ZNF236: variants seen among roughly 807,000 people sequenced by gnomAD.
The protein encoded by ZNF236 is regulated by glucose.
ZNF236 carries 50 observed loss-of-function variants against 191.2 expected under a neutral mutation model. The ratio of observed to expected loss-of-function variants is 0.26; its 90% CI spans 0.21 to 0.33. The LOEUF (loss-of-function observed/expected upper bound fraction) is 0.33. Ranked by LOEUF, ZNF236 falls within the 10% of genes least tolerant of loss-of-function variation. The pLI is 1.00. For missense variants in ZNF236, 1,754 were observed against 2,374.5 expected, an observed-to-expected ratio of 0.74 and a Z score of 5.43; for synonymous variants, 907 against 928.8, an observed-to-expected ratio of 0.98 and a Z score of 0.43.
intron 27 of ZNF236, among the ~76,000 whole-genome samples, chr18:76,955,728 C>G (rs1027055445): frequency 6.6e-6 from 1 of 152,134 alleles, no homozygotes; most frequent in Non-Finnish European, 1.5e-5. Flanking sequence ...GGAATTTGCA[C>G]CTGGTCAGTG....
intron 19 of ZNF236, among the ~76,000 whole-genome samples, chr18:76,916,676 G>C (rs745627524): frequency 6.6e-6 from 1 of 152,246 alleles, no homozygotes; most frequent in Non-Finnish European, 1.5e-5. Flanking sequence ...CCAGCACACA[G>C]ATTGCAGTTT....
chr18:76,950,784 C>T (rs950794181), intron 27 of ZNF236, among the ~76,000 whole-genome samples: 9 of 152,182 alleles, frequency 5.9e-5, no homozygotes, highest in African/African-American at 2.2e-4. Flanking sequence ...TTTACTTTGC[C>T]CAGATCCATC....
chr18:76,895,342 C>T, intron 10 of ZNF236, 57 bp downstream of exon 10: 1 of 1,583,704 alleles, frequency 6.3e-7, no homozygotes, highest in East Asian at 2.2e-5. Flanking sequence ...ACACACATTA[C>T]TGCGCACATA....
Position 76,927,991 on chromosome 18 carries a change from C to T in ZNF236, c.4479C>T (p.His1493=), listed in dbSNP as rs763367075. 10 of 1,613,712 alleles carry T rather than the reference C, an allele frequency of 6.2e-6. No homozygotes were observed. The highest frequency in any genetic ancestry group is 1.7e-5 in the Admixed American group (1 of 59,930). ...QGLVSPSGGP[H]EITLTINNSS... ...TAGTGTCCCCCTCCGGCGGTCCCCA[C>T]GAGATCACCCTGACCATTAACAACT... The change falls in exon 25 of 31, where the codon CAC becomes CAT. Residue 1493 remains histidine (H), a synonymous_variant. Coordinates refer to ENST00000320610, the MANE Select transcript of ZNF236 (RefSeq NM_001306089.2). The surrounding 1 kb of genome is among the most constrained non-coding windows in gnomAD (Gnocchi z 5.4).
intron 30 of ZNF236, among the ~76,000 whole-genome samples, chr18:76,965,211 G>A (rs1599432414): frequency 6.6e-6 from 1 of 152,098 alleles, no homozygotes; most frequent in African/African-American, 2.4e-5. Flanking sequence ...ATTTCTATAA[G>A]TATGTCTATT....
intron 27 of ZNF236, among the ~76,000 whole-genome samples, chr18:76,950,373 C>G (rs1968374488): frequency 6.6e-6 from 1 of 152,210 alleles, no homozygotes; most frequent in Non-Finnish European, 1.5e-5. Context: ...GGAGTAGATT[C>G]CGTCTCAAGT....
chr18:76,861,899 T>C (rs1976242601), intron 3 of ZNF236, among the ~76,000 whole-genome samples: 1 of 152,174 alleles, frequency 6.6e-6, no homozygotes, highest in African/African-American at 2.4e-5. Context: ...AGTTTCGCTC[T>C]TGTCGCCCGG....
At chr18:76,907,384 C>T (rs151000362) in intron 13 of ZNF236, among the ~76,000 whole-genome samples, 9 of 152,206 alleles carry the variant, frequency 5.9e-5, no homozygotes, top group South Asian at 2.1e-4. Context: ...GACGGAGTCT[C>T]GCTCTGTTGC....
At chr18:76,905,941 A>T (rs560604229) in intron 13 of ZNF236, among the ~76,000 whole-genome samples, 5 of 152,298 alleles carry the variant, frequency 3.3e-5, no homozygotes, top group African/African-American at 1.2e-4. Flanking sequence ...TCCGGAAGAG[A>T]TGCATTTCTG....
intron 26 of ZNF236, among the ~76,000 whole-genome samples, chr18:76,944,355 A>G (rs1179755945): frequency 1.3e-5 from 2 of 152,264 alleles, no homozygotes; most frequent in African/African-American, 4.8e-5. Context: ...CCAACTGCAA[A>G]TAATAATACA....
At chr18:76,850,211 A>T (rs1165253799) in intron 2 of ZNF236, among the ~76,000 whole-genome samples, 3 of 152,174 alleles carry the variant, frequency 2.0e-5, no homozygotes, top group Non-Finnish European at 4.4e-5. Flanking sequence ...GACAGTTAAA[A>T]CTATAATTAA....
intron 25 of ZNF236, chr18:76,936,088 C>T (rs1031432892): frequency 6.6e-6 from 3 of 456,740 alleles, no homozygotes; most frequent in Non-Finnish European, 1.3e-5. Flanking sequence ...TCCTGTTGGC[C>T]CCTGACTCCT....
At chr18:76,834,978 G>GTTT (rs35789549) in intron 1 of ZNF236, 1,474 of 145,588 alleles carry the variant, frequency 0.01, 19 homozygotes, top group African/African-American at 0.034. Flanking sequence ...TTTATTTTCT[G>GTTT]TTTTTTTTTT....
In ZNF236 at chr18:76,947,565, C is replaced by T. The variant is rs1470144976; in HGVS notation, c.4827C>T (p.Gly1609=). 1 of 1,613,954 alleles carries T rather than the reference C, an allele frequency of 6.2e-7. No homozygotes were observed. The highest frequency in any genetic ancestry group is 1.3e-5 in the African/African-American group (1 of 74,902). ...TCCTCACGGATCCCTCTCTCTCGGGCCAGGGTGGAGCAGGCTCGCCGCAAG... is the reference window on the plus strand; with the variant it reads ...TCCTCACGGATCCCTCTCTCTCGGGTCAGGGTGGAGCAGGCTCGCCGCAAG... ...PALLTDPSLS[G]QGGAGSPQVI... The change falls in exon 27 of 31, where the codon GGC becomes GGT. Residue 1609 remains glycine, a synonymous_variant. Transcript: ENST00000320610.
chr18:76,911,268 T>G (rs1236257963), intron 16 of ZNF236, among the ~76,000 whole-genome samples: 2 of 151,448 alleles, frequency 1.3e-5, no homozygotes, highest in Non-Finnish European at 2.9e-5. Context: ...TGGTTTTGGT[T>G]TTCATTTTCC....
chr18:76,832,588 T>G (rs1188117398), intron 1 of ZNF236, among the ~76,000 whole-genome samples: 1 of 152,108 alleles, frequency 6.6e-6, no homozygotes, highest in African/African-American at 2.4e-5. Flanking sequence ...TTTTTTGTTG[T>G]TGTTCCTGGC....
rs1366219568 is a variant in ZNF236, at chr18:76,880,985, T to C, written c.1189-299T>C. On this transcript the variant is annotated intron_variant, in intron 8 of 30. Coordinates refer to ENST00000320610, the MANE Select transcript of ZNF236 (RefSeq NM_001306089.2). This position sits in a 1 kb window ranked among gnomAD's most constrained non-coding sequence, Gnocchi z 5.0. Reference sequence around the variant, plus strand: ...TAAAATAGGGATTCCCAAGACTATTTAGAGACAACCAAAGTTGTGTGAGGT... The same window carrying C: ...TAAAATAGGGATTCCCAAGACTATTCAGAGACAACCAAAGTTGTGTGAGGT... Among the ~76,000 whole-genome samples the C allele has an allele frequency of 6.6e-6, 1 of 152,206 alleles. No homozygotes were observed. The highest frequency in any genetic ancestry group is 1.5e-5 in the Non-Finnish European group (1 of 68,040).
At chr18:76,909,306 G>A (rs1405841088) in intron 14 of ZNF236, among the ~76,000 whole-genome samples, 1 of 118,120 alleles carries the variant, frequency 8.5e-6, no homozygotes, top group Non-Finnish European at 1.6e-5. Context: ...CGGAGTGAGT[G>A]AGACTCTGTC....
chr18:76,837,480 G>A (rs1401021020), intron 1 of ZNF236, among the ~76,000 whole-genome samples: 1 of 80,724 alleles, frequency 1.2e-5, no homozygotes, highest in Non-Finnish European at 2.3e-5. Context: ...CACTCTTGTT[G>A]CCCAGGCTGG....
Sources: allele counts gnomAD v4.1 joint callset (sites outside exome capture counted in the v4.1 genomes callset), GRCh38; gene constraint gnomAD v4.1.1; non-coding constraint Gnocchi (gnomAD v3.1); transcripts MANE v1.5; gene names NCBI Gene and HGNC (gene_info 2026-07-23, HGNC 2026-07-21).